CDKL3: variants seen among roughly 807,000 people sequenced by gnomAD.
The protein encoded by CDKL3 is cyclin dependent kinase like 3.
In CDKL3, 65 loss-of-function variants were observed where a neutral mutation model predicts 69.3. The observed-to-expected ratio is 0.94, with a 90% confidence interval of 0.77 to 1.15. CDKL3 has a LOEUF of 1.15. Among genes scored for constraint, CDKL3 ranks in the 50% most tolerant of loss-of-function variants. CDKL3 has a pLI of 0.00. For missense variants in CDKL3, 652 were observed against 689.2 expected, an observed-to-expected ratio of 0.95 and a Z score of 0.61; for synonymous variants, 202 against 221.6, an observed-to-expected ratio of 0.91 and a Z score of 0.79.
intron 4 of CDKL3, among the ~76,000 whole-genome samples, chr5:134,340,919 T>C (rs1750325331): frequency 1.3e-5 from 2 of 152,184 alleles, no homozygotes; most frequent in South Asian, 2.1e-4. Context: ...CTTTTATGAA[T>C]GTGAACACAA....
Position 134,350,388 on chromosome 5 carries a change from A to C in CDKL3, c.400T>G (p.Ser134Ala). The part of the protein sequence containing the change: ...RDIKPENILV[S>A]QSGITKLCDF... ...CAGAGCTTAGTAATTCCTGACTGGG[A>C]TACTAAAATATTCTCAGGTTTTATA... Residue 134 changes from serine (S) to alanine (A), a missense_variant, in exon 4 of 13, where the codon TCC becomes GCC. Transcript: ENST00000265334. The C allele has an allele frequency of 6.4e-7, 1 of 1,572,818 alleles. No individual in the cohort carries two copies. Among genetic ancestry groups the C allele is most frequent in the Non-Finnish European group, 8.6e-7 (1 of 1,157,980 alleles).
intron 4 of CDKL3, among the ~76,000 whole-genome samples, chr5:134,322,979 CAAA>C (rs545839607): frequency 9.0e-6 from 1 of 110,862 alleles, no homozygotes. Context: ...AACTCAGTCT[CAAA>C]AAAAAAAAAA....
chr5:134,360,199 C>T, intron 2 of CDKL3, 108 bp from the exon 3 acceptor site: 1 of 787,694 alleles, frequency 1.3e-6, no homozygotes, highest in Non-Finnish European at 2.0e-6. Flanking sequence ...AGCTTTGTTC[C>T]ATGCATTTCT....
chr5:134,350,203 A>G (rs776506433), intron 4 of CDKL3, 46 bp downstream of exon 4: 10 of 1,424,826 alleles, frequency 7.0e-6, no homozygotes, highest in Admixed American at 5.3e-5. Context: ...ATAAACAAAA[A>G]AAGAGATACC....
At chr5:134,328,373 G>A (rs1157479000) in intron 4 of CDKL3, among the ~76,000 whole-genome samples, 15 of 152,118 alleles carry the variant, frequency 9.9e-5, no homozygotes, top group African/African-American at 3.4e-4. Flanking sequence ...AAACTCTGGA[G>A]TTGAAAAGTA....
chr5:134,319,162 C>G (rs919067259), intron 6 of CDKL3, 196 bp downstream of exon 6: 2 of 402,222 alleles, frequency 5.0e-6, no homozygotes, highest in Non-Finnish European at 8.6e-6. Context: ...GAAACCCCGT[C>G]TCTACTGAAA....
downstream of CDKL3, among the ~76,000 whole-genome samples, chr5:134,296,988 T>C (rs921453244): frequency 4.0e-5 from 6 of 150,664 alleles, no homozygotes; most frequent in African/African-American, 1.5e-4. Flanking sequence ...GTCTCACTCT[T>C]GTCTTCCAGG....
chr5:134,299,094 G>A (rs1016837289), intron 12 of CDKL3, among the ~76,000 whole-genome samples: 4 of 152,092 alleles, frequency 2.6e-5, no homozygotes, highest in African/African-American at 9.7e-5. Flanking sequence ...GACTGGTCTC[G>A]AACTCCTGGC....
chr5:134,303,095 A>ATT (rs1237701621), intron 11 of CDKL3, among the ~76,000 whole-genome samples: 1 of 145,700 alleles, frequency 6.9e-6, no homozygotes, highest in Non-Finnish European at 1.5e-5. Flanking sequence ...AAGTTCATAA[A>ATT]TTTTTTTTTT....
chr5:134,298,402 T>G, downstream of CDKL3: 1 of 1,281,480 alleles, frequency 7.8e-7, no homozygotes, highest in Non-Finnish European at 9.9e-7. Context: ...ATCCACTCAG[T>G]AATCATGGCA....
At chr5:134,371,110 C>T (rs1758356287), upstream of CDKL3, 2 of 232,216 alleles carry the variant, frequency 8.6e-6, no homozygotes, top group Non-Finnish European at 1.7e-5. Context: ...GGATTGTTGA[C>T]AAGGCCGCGG....
At chr5:134,366,915 A>C (rs887763426) in intron 1 of CDKL3, 62 bp downstream of exon 1, 11 of 994,604 alleles carry the variant, frequency 1.1e-5, no homozygotes, top group Non-Finnish European at 1.3e-5. Context: ...TATCAGGCCC[A>C]AGGTCCTAAA....
At position 134,359,158 on chromosome 5, in the gene CDKL3, G is replaced by A. The variant is rs551175170; in HGVS notation, c.360+739C>T. Among the ~76,000 whole-genome samples the A allele has an allele frequency of 2.0e-5, 3 of 152,034 alleles. 1 individual carries two copies. In the South Asian group the frequency reaches 6.2e-4, roughly 32 times the overall value. ...CCAGGTGTGGTGGTTGATTGAGGAGGAGCACCGTCATCTCGGACAAACACC... is the reference window on the plus strand; with the variant it reads ...CCAGGTGTGGTGGTTGATTGAGGAGAAGCACCGTCATCTCGGACAAACACC... On this transcript the variant is annotated intron_variant, in intron 3 of 12. Coordinates refer to ENST00000265334, the MANE Select transcript of CDKL3 (RefSeq NM_001113575.2).
rs754881020 is a variant in CDKL3, at chr5:134,366,363, A to G, written c.161T>C (p.Leu54Pro). 1 of 1,559,454 alleles carries G rather than the reference A, an allele frequency of 6.4e-7. No homozygotes were observed. The highest frequency in any genetic ancestry group is 8.6e-7 in the Non-Finnish European group (1 of 1,157,734). ...NKIAMREIKF[L>P]KQFHHENLVN... The stretch of plus-strand genomic sequence containing the variant: ...ATTAAGGCAAAAGAAGCAAACCTTT[A>G]GAAACTTTATTTCTCTCATCGCAAT... Residue 54 changes from leucine to proline, a missense_variant, in exon 2 of 13, where the codon CTA (leucine) becomes CCA (proline). Coordinates refer to ENST00000265334, the MANE Select transcript of CDKL3 (RefSeq NM_001113575.2).
chr5:134,371,601 G>C (rs201989843), upstream of CDKL3: 2 of 1,612,550 alleles, frequency 1.2e-6, no homozygotes, highest in East Asian at 4.5e-5. Context: ...GGAGCATGTC[G>C]ACCCCGGCCC....
At chr5:134,305,054 T>C (rs1767423674) in intron 10 of CDKL3, among the ~76,000 whole-genome samples, 1 of 151,768 alleles carries the variant, frequency 6.6e-6, no homozygotes, top group Non-Finnish European at 1.5e-5. Flanking sequence ...GTGACCCTTC[T>C]GCCTTGGGCT....
chr5:134,323,244 T>A (rs560407797), intron 4 of CDKL3, among the ~76,000 whole-genome samples: 15 of 152,292 alleles, frequency 9.8e-5, no homozygotes, highest in African/African-American at 3.6e-4. Flanking sequence ...AACACACATA[T>A]GTAAATTAGC....
At chr5:134,324,072 T>C (rs1773493743) in intron 4 of CDKL3, among the ~76,000 whole-genome samples, 3 of 152,146 alleles carry the variant, frequency 2.0e-5, no homozygotes, top group Non-Finnish European at 2.9e-5. Flanking sequence ...AATATACAGA[T>C]GGCAAATGGG....
intron 4 of CDKL3, among the ~76,000 whole-genome samples, chr5:134,341,777 G>A (rs934399246): frequency 6.6e-6 from 1 of 152,204 alleles, no homozygotes; most frequent in African/African-American, 2.4e-5. Context: ...AAGACAATAT[G>A]GCCCCAGCCA....
Sources: allele counts gnomAD v4.1 joint callset (sites outside exome capture counted in the v4.1 genomes callset), GRCh38; gene constraint gnomAD v4.1.1; transcripts MANE v1.5; gene names NCBI Gene and HGNC (gene_info 2026-07-23, HGNC 2026-07-21).